The following XPR1 variants were observed in gnomAD, a reference collection of about 807,000 sequenced individuals.
XPR1 encodes solute carrier family 53 member 1.
Under a neutral mutation model 87.5 loss-of-function variants are expected in XPR1, and 28 were observed. That is an observed-to-expected ratio of 0.32 (90% CI 0.24 to 0.44). The LOEUF is 0.44. Among genes scored for constraint, XPR1 ranks in the 20% least tolerant of loss-of-function variants. The probability of loss-of-function intolerance (pLI) is 1.00; values close to 1 mark genes in which losing one functional copy is unlikely to be tolerated. For missense variants in XPR1, 559 were observed against 862.3 expected, an observed-to-expected ratio of 0.65 and a Z score of 4.41; for synonymous variants, 300 against 306.1, an observed-to-expected ratio of 0.98 and a Z score of 0.21.
At chr1:180,793,378 A>T (rs1226721188) in intron 3 of XPR1, among the ~76,000 whole-genome samples, 1 of 152,148 alleles carries the variant, frequency 6.6e-6, no homozygotes, top group Non-Finnish European at 1.5e-5. Context: ...GTGTGCAATG[A>T]ATCATGAGAA....
At chr1:180,740,556 GT>G (rs1307104661) in intron 2 of XPR1, among the ~76,000 whole-genome samples, 4 of 152,022 alleles carry the variant, frequency 2.6e-5, no homozygotes, top group African/African-American at 9.7e-5. Context: ...GTTGGATTCA[GT>G]TACCTAATAT....
intron 1 of XPR1, among the ~76,000 whole-genome samples, chr1:180,655,037 A>T (rs968979113): frequency 6.6e-5 from 10 of 152,158 alleles, no homozygotes; most frequent in Non-Finnish European, 1.0e-4. Flanking sequence ...GTACCATTTT[A>T]CATTTCCACC....
intron 2 of XPR1, among the ~76,000 whole-genome samples, chr1:180,739,156 CTG>C (rs980166639): frequency 5.9e-5 from 9 of 152,246 alleles, no homozygotes; most frequent in African/African-American, 2.2e-4. Flanking sequence ...TTTGAATTGC[CTG>C]TGCACCTTTG....
chr1:180,770,640 ATTTAC>A (rs957758441), intron 2 of XPR1, among the ~76,000 whole-genome samples: 20 of 152,144 alleles, frequency 1.3e-4, no homozygotes, highest in African/African-American at 4.8e-4. Flanking sequence ...AGAGTATCTA[ATTTAC>A]TTTGTTTCCA....
In XPR1 at chr1:180,722,551, A is replaced by T. The variant is rs189337237; in HGVS notation, c.121+40140A>T. Among the ~76,000 whole-genome samples, 28 of 152,344 alleles carry T rather than the reference A, an allele frequency of 1.8e-4. No homozygotes were observed. In the East Asian group the frequency reaches 5.4e-3, roughly 29 times the overall value. The stretch of plus-strand genomic sequence containing the variant: ...GGCCTGTGGTGTAAAATGATCTGAC[A>T]TATAATGAAACTTAGTTGAATACAA... On this transcript the variant is annotated intron_variant, in intron 2 of 14. Coordinates refer to ENST00000367590, the MANE Select transcript of XPR1 (RefSeq NM_004736.4).
chr1:180,749,720 A>G (rs1571797168), intron 2 of XPR1, among the ~76,000 whole-genome samples: 1 of 151,246 alleles, frequency 6.6e-6, no homozygotes, highest in South Asian at 2.1e-4. Flanking sequence ...TACTACATCT[A>G]GCACAGAGTA....
At chr1:180,817,071 A>C (rs949547331) in intron 7 of XPR1, among the ~76,000 whole-genome samples, 9 of 152,168 alleles carry the variant, frequency 5.9e-5, no homozygotes, top group African/African-American at 2.2e-4. Context: ...TTAATGCCTT[A>C]GTTTTTAAGA....
At chr1:180,636,737 A>G (rs1320180882) in intron 1 of XPR1, among the ~76,000 whole-genome samples, 2 of 152,152 alleles carry the variant, frequency 1.3e-5, no homozygotes, top group Middle Eastern at 3.2e-3. Context: ...ACTCCCATGG[A>G]GTAAAGAGAA....
chr1:180,761,301 A>G (rs1367402538), intron 2 of XPR1, among the ~76,000 whole-genome samples: 1 of 152,214 alleles, frequency 6.6e-6, no homozygotes, highest in Non-Finnish European at 1.5e-5. Flanking sequence ...GCTTCTGCAC[A>G]GCAAAAGAAA....
At chr1:180,845,819 G>T (rs1451915759) in intron 11 of XPR1, among the ~76,000 whole-genome samples, 1 of 152,178 alleles carries the variant, frequency 6.6e-6, no homozygotes, top group East Asian at 1.9e-4. Flanking sequence ...GCCAAAATAC[G>T]AAAATAATTT....
chr1:180,849,251 G>GGAAACAGGT (rs1651786932), intron 11 of XPR1, among the ~76,000 whole-genome samples: 1 of 152,162 alleles, frequency 6.6e-6, no homozygotes, highest in African/African-American at 2.4e-5. Context: ...CCGAAAGAAA[G>GGAAACAGGT]GAAACAGGTG....
At chr1:180,653,094 A>G (rs1655346721) in intron 1 of XPR1, among the ~76,000 whole-genome samples, 1 of 152,138 alleles carries the variant, frequency 6.6e-6, no homozygotes, top group African/African-American at 2.4e-5. Flanking sequence ...GCTTACCCCT[A>G]AGTGGGTGAA....
chr1:180,864,346 C>T (rs1553254596), intron 12 of XPR1, among the ~76,000 whole-genome samples: 4 of 152,080 alleles, frequency 2.6e-5, no homozygotes, highest in Non-Finnish European at 5.9e-5. Flanking sequence ...TCATCTTAAT[C>T]TTTTTTTACC....
chr1:180,697,068 T>G (rs567374861), intron 2 of XPR1, among the ~76,000 whole-genome samples: 7 of 152,098 alleles, frequency 4.6e-5, no homozygotes, highest in Non-Finnish European at 1.0e-4. Context: ...GTTAGTTATT[T>G]ACAGGTTTGG....
intron 3 of XPR1, among the ~76,000 whole-genome samples, chr1:180,790,630 C>T (rs928999047): frequency 6.6e-6 from 1 of 152,158 alleles, no homozygotes; most frequent in Non-Finnish European, 1.5e-5. Flanking sequence ...AACTCTGCCT[C>T]CCGGGTTCAC....
intron 2 of XPR1, among the ~76,000 whole-genome samples, chr1:180,770,023 C>G (rs1292449319): frequency 6.6e-6 from 1 of 152,086 alleles, no homozygotes; most frequent in African/African-American, 2.4e-5. Context: ...TGGTTTTGAG[C>G]TTATTACTGT....
intron 2 of XPR1, among the ~76,000 whole-genome samples, chr1:180,737,378 C>T (rs2102018302): frequency 6.6e-6 from 1 of 152,298 alleles, no homozygotes; most frequent in East Asian, 1.9e-4. Context: ...ACGTGATATA[C>T]TATTTTCCCT....
At chr1:180,725,652 A>G (rs1658313552) in intron 2 of XPR1, among the ~76,000 whole-genome samples, 1 of 152,228 alleles carries the variant, frequency 6.6e-6, no homozygotes, top group African/African-American at 2.4e-5. Context: ...TTTACTGAAT[A>G]AGAACAAATT....
chr1:180,789,496 C>G (rs1260735971), intron 3 of XPR1, among the ~76,000 whole-genome samples: 1 of 152,164 alleles, frequency 6.6e-6, no homozygotes. Flanking sequence ...GTTTTTCCAT[C>G]TCACAGAGCT....
Sources: allele counts gnomAD v4.1 joint callset (sites outside exome capture counted in the v4.1 genomes callset), GRCh38; gene constraint gnomAD v4.1.1; transcripts MANE v1.5; gene names NCBI Gene and HGNC (gene_info 2026-07-23, HGNC 2026-07-21).